KALRN: variants seen among roughly 807,000 people sequenced by gnomAD.
KALRN encodes kalirin RhoGEF kinase, also known as kalirin.
In KALRN, 70 loss-of-function variants were observed where a neutral mutation model predicts 353.7. The observed-to-expected ratio is 0.20, with a 90% confidence interval of 0.16 to 0.24. The LOEUF is 0.24. Among genes scored for constraint, KALRN ranks in the 10% least tolerant of loss-of-function variants. The pLI is 1.00. For synonymous variants in KALRN, 1,391 were observed against 1,434.8 expected (o/e 0.97, Z 0.69); for missense variants, 2,791 against 3,756.7 (o/e 0.74, Z 6.72).
chr3:124,456,329 T>G (rs574357606), intron 22 of KALRN, among the ~76,000 whole-genome samples: 1 of 152,332 alleles, frequency 6.6e-6, no homozygotes, highest in South Asian at 2.1e-4. Flanking sequence ...CCAAAGGCCT[T>G]GGGGAAATAG....
rs1334188677 is a variant in KALRN, at chr3:124,334,549, C to A, written c.1647+54C>A. ...TATCCATTCTAGGAGGCAGACCGAG[C>A]TCAAGTCCCTGACCTAGGTGATCAG... On this transcript the variant is annotated intron_variant, in intron 9 of 59. Coordinates refer to ENST00000682506, the MANE Select transcript of KALRN (RefSeq NM_001388419.1). This position sits in a 1 kb window ranked among gnomAD's most constrained non-coding sequence, Gnocchi z 4.2. 6.2e-6 allele frequency: 8 copies of A among 1,294,542 alleles called. No homozygotes were observed. Among genetic ancestry groups the A allele is most frequent in the Non-Finnish European group, 7.6e-6 (7 of 916,498 alleles). The allele number at this position is 1,294,542 out of a possible 1,614,324, so 80.2% of individuals were successfully genotyped here.
chr3:124,357,722 A>G (rs2083580533), intron 10 of KALRN, among the ~76,000 whole-genome samples: 1 of 152,084 alleles, frequency 6.6e-6, no homozygotes, highest in Admixed American at 6.5e-5. Flanking sequence ...TCATATCTCT[A>G]TTATGGTAGT....
chr3:124,675,002 T>C (rs2086987513), intron 49 of KALRN: 1 of 142,774 alleles, frequency 7.0e-6, no homozygotes. Context: ...ATTAAGTAAC[T>C]GATATATATA....
chr3:124,584,980 G>T, intron 34 of KALRN: 1 of 1,517,554 alleles, frequency 6.6e-7, no homozygotes, highest in South Asian at 1.2e-5. Context: ...GAGGGTGGTA[G>T]GGAGGGAAGG....
At chr3:124,662,045 T>A in intron 45 of KALRN, 117 bp downstream of exon 45, 1 of 797,428 alleles carries the variant, frequency 1.3e-6, no homozygotes, top group Non-Finnish European at 2.2e-6. Context: ...CACTCACCAC[T>A]ATGCCTTCCT....
In KALRN at chr3:124,152,164, C is replaced by A; in HGVS notation, c.74-75826C>A. ...CCTTCCTGCAGATGATGCAAGAGAT[C>A]GAACAATCAAAGTGTTATCTGTCAA... On this transcript the variant is annotated intron_variant, in intron 1 of 59. Coordinates refer to ENST00000682506, the MANE Select transcript of KALRN (RefSeq NM_001388419.1). 2.7e-6 allele frequency: 4 copies of A among 1,481,134 alleles called. No individual in the cohort carries two copies. In the East Asian group the frequency reaches 9.0e-5, roughly 34 times the overall value. The allele number at this position is 1,481,134 out of a possible 1,614,324, so 91.7% of individuals were successfully genotyped here.
chr3:124,592,349 G>A (rs543272297), intron 34 of KALRN, among the ~76,000 whole-genome samples: 30 of 149,158 alleles, frequency 2.0e-4, no homozygotes, highest in African/African-American at 6.9e-4. Context: ...CTGGCAAGAA[G>A]CCTACATATC....
chr3:124,395,834 T>C (rs1242458730), intron 12 of KALRN, among the ~76,000 whole-genome samples: 1 of 152,216 alleles, frequency 6.6e-6, no homozygotes, highest in Non-Finnish European at 1.5e-5. Context: ...ACCAGTTCCC[T>C]GTTACCCAAT....
Position 124,722,385 on chromosome 3 carries a change from T to C in KALRN, c.*2915T>C, listed in dbSNP as rs2063368863. 3.3e-5 allele frequency: 5 copies of C among 152,034 alleles called. No homozygotes were observed. Among genetic ancestry groups the C allele is most frequent in the Non-Finnish European group, 7.3e-5 (5 of 68,034 alleles). 9.4% of individuals were successfully genotyped at this position (152,034 alleles called of 1,614,324 possible). On this transcript the variant is annotated 3_prime_UTR_variant, in exon 60 of 60. Coordinates refer to ENST00000682506, the MANE Select transcript of KALRN (RefSeq NM_001388419.1). ...CCTAGAAATGAAAAGTAGGATGATT[T>C]TGTTAACTGGAGCCAAGGTACAATC...
intron 13 of KALRN, among the ~76,000 whole-genome samples, chr3:124,412,816 C>T (rs1188727573): frequency 1.3e-5 from 2 of 152,160 alleles, no homozygotes; most frequent in African/African-American, 4.8e-5. Flanking sequence ...TAGGTGTCAA[C>T]CTTTGTAATA....
At chr3:124,470,988 A>T (rs957313444) in intron 25 of KALRN, among the ~76,000 whole-genome samples, 3 of 152,126 alleles carry the variant, frequency 2.0e-5, no homozygotes, top group African/African-American at 7.2e-5. Context: ...ACCAATCAAG[A>T]TTTTCCCAGG....
At chr3:124,412,682 G>A (rs1248940024) in intron 13 of KALRN, among the ~76,000 whole-genome samples, 1 of 152,218 alleles carries the variant, frequency 6.6e-6, no homozygotes, top group Non-Finnish European at 1.5e-5. Flanking sequence ...TGCTATTAAG[G>A]CAATGTTTGC....
chr3:124,602,025 CAA>C (rs3058058), intron 34 of KALRN, among the ~76,000 whole-genome samples: 6,837 of 133,092 alleles, frequency 0.051, 183 homozygotes, highest in Middle Eastern at 0.16. Context: ...GACTCTGTCT[CAA>C]AAAAAAAAAA....
At chr3:124,524,615 G>T (rs1016829655) in intron 33 of KALRN, among the ~76,000 whole-genome samples, 2 of 152,200 alleles carry the variant, frequency 1.3e-5, no homozygotes, top group African/African-American at 4.8e-5. Flanking sequence ...AACAGGTTGA[G>T]TTGTGGGAGA....
Position 124,442,007 on chromosome 3 carries a change from C to A in KALRN, c.3261C>A (p.Val1087=), listed in dbSNP as rs765645690. The A allele has an allele frequency of 6.2e-7, 1 of 1,607,728 alleles. No homozygotes were observed. The highest frequency in any genetic ancestry group is 8.5e-7 in the Non-Finnish European group (1 of 1,175,218). The stretch of plus-strand genomic sequence containing the variant: ...TCAAGTACATCCACAGGAACAACGT[C>A]AGCATGCCCAGTGTCGCCAGCCACA... ...VFLKYIHRNN[V]SMPSVASHTR... is the part of the protein sequence containing the mutation. The change falls in exon 19 of 60, where the codon GTC becomes GTA. Residue 1087 remains valine (V), a synonymous_variant. Coordinates refer to ENST00000682506, the MANE Select transcript of KALRN (RefSeq NM_001388419.1).
At chr3:124,496,440 C>T (rs750056636) in intron 33 of KALRN, 27 bp downstream of exon 33, 7 of 1,541,930 alleles carry the variant, frequency 4.5e-6, no homozygotes, top group Non-Finnish European at 6.3e-6. Flanking sequence ...ACCTTCCTTC[C>T]CCTGAGACTT....
intron 34 of KALRN, among the ~76,000 whole-genome samples, chr3:124,618,646 C>T (rs1170805356): frequency 1.3e-5 from 2 of 152,120 alleles, no homozygotes; most frequent in African/African-American, 2.4e-5. Context: ...TTACGGAGCT[C>T]ATTGAGGGCT....
intron 17 of KALRN, 112 bp from the exon 18 acceptor site, chr3:124,438,776 T>A (rs116817893): frequency 1.1e-6 from 1 of 913,348 alleles, no homozygotes; most frequent in Non-Finnish European, 1.6e-6. Context: ...CTCAGAGGCA[T>A]TAAACTTCTA....
chr3:124,699,022 C>T (rs1250973297), intron 55 of KALRN, among the ~76,000 whole-genome samples: 1 of 152,116 alleles, frequency 6.6e-6, no homozygotes, highest in Non-Finnish European at 1.5e-5. Context: ...TGCTTGCTAC[C>T]CTATCCCCCG....
Sources: gnomAD v4.1 joint callset for allele counts (sites outside exome capture counted in the v4.1 genomes callset) on GRCh38, gnomAD v4.1.1 for gene constraint, Gnocchi (gnomAD v3.1) non-coding constraint, MANE v1.5 for transcripts, NCBI Gene and HGNC (gene_info 2026-07-23, HGNC 2026-07-21) for gene names.